ARSK: variants seen among roughly 807,000 people sequenced by gnomAD.
ARSK encodes arylsulfatase K.
In ARSK, 37 loss-of-function variants were observed where a neutral mutation model predicts 53.2. That is an observed-to-expected ratio of 0.70 (90% CI 0.54 to 0.92). ARSK has a LOEUF of 0.92. Among genes scored for constraint, ARSK ranks in the 40% least tolerant of loss-of-function variants. The pLI, the probability that ARSK is intolerant of heterozygous loss-of-function variation, is 0.00. For missense variants in ARSK, 613 were observed against 643.0 expected (o/e 0.95, Z 0.51); for synonymous variants, 208 against 223.2 (o/e 0.93, Z 0.61).
chr5:95,593,192 G>A (rs766651183), intron 6 of ARSK, among the ~76,000 whole-genome samples: 1 of 151,932 alleles, frequency 6.6e-6, no homozygotes, highest in African/African-American at 2.4e-5. Context: ...TCTTCCTTGG[G>A]TCATCTTTGC....
intron 5 of ARSK, among the ~76,000 whole-genome samples, chr5:95,589,585 A>G (rs1223270765): frequency 6.6e-6 from 1 of 152,142 alleles, no homozygotes; most frequent in African/African-American, 2.4e-5. Flanking sequence ...AGCTCCATCC[A>G]TGTCCCCGCA....
Position 95,600,890 on chromosome 5 carries a change from T to G in ARSK, c.1140T>G (p.Ser380=), listed in dbSNP as rs770193021. 6 of 1,614,122 alleles carry G rather than the reference T, an allele frequency of 3.7e-6. No homozygotes were observed. The East Asian group carries it at 1.3e-4, about 36-fold the overall frequency. The change falls in exon 7 of 8, where the codon TCT becomes TCG. Residue 380 remains serine, a synonymous_variant. Coordinates refer to ENST00000380009, the MANE Select transcript of ARSK (RefSeq NM_198150.3). ...IPLPQNLSGY[S]LLPLSSETFK... is the part of the protein sequence containing the mutation. The stretch of plus-strand genomic sequence containing the variant: ...TGCCTCAGAACCTGAGTGGATACTC[T>G]TTGTTGCCGTTATCATCAGAAACAT...
At chr5:95,565,909 TCTTCTG>T (rs1170985013) in intron 1 of ARSK, 83 bp from the exon 2 acceptor site, 12 of 1,214,172 alleles carry the variant, frequency 9.9e-6, no homozygotes, top group South Asian at 1.6e-5. Flanking sequence ...CATATTGAAG[TCTTCTG>T]CTATTGTAAA....
intron 4 of ARSK, among the ~76,000 whole-genome samples, chr5:95,583,706 T>C (rs1016592024): frequency 1.3e-5 from 2 of 152,208 alleles, no homozygotes; most frequent in African/African-American, 4.8e-5. Flanking sequence ...GGGAATTTTT[T>C]TGGTTAAAAA....
intron 4 of ARSK, 67 bp from the exon 5 acceptor site, chr5:95,586,495 A>C (rs542168636): frequency 8.2e-7 from 1 of 1,225,230 alleles, no homozygotes; most frequent in Non-Finnish European, 1.2e-6. Flanking sequence ...TTCATCATAC[A>C]TACTTATTGG....
intron 6 of ARSK, among the ~76,000 whole-genome samples, chr5:95,596,931 A>C (rs1475214305): frequency 1.4e-4 from 21 of 152,224 alleles, no homozygotes; most frequent in African/African-American, 5.1e-4. Flanking sequence ...GGATCAAATA[A>C]ACTAATTCTA....
intron 6 of ARSK, chr5:95,600,536 A>G (rs1205571781): frequency 2.1e-6 from 1 of 478,678 alleles, no homozygotes; most frequent in Non-Finnish European, 4.0e-6. Flanking sequence ...CATTGTCCTC[A>G]GAGTTCTTAG....
intron 5 of ARSK, among the ~76,000 whole-genome samples, chr5:95,587,415 T>C (rs1749136980): frequency 6.6e-6 from 1 of 152,252 alleles, no homozygotes; most frequent in East Asian, 1.9e-4. Flanking sequence ...GTCATTTATT[T>C]TGCTGCACTT....
chr5:95,565,004 T>C (rs1240359347), intron 1 of ARSK, among the ~76,000 whole-genome samples: 2 of 152,224 alleles, frequency 1.3e-5, no homozygotes, highest in Non-Finnish European at 2.9e-5. Context: ...TTTATATCTC[T>C]ATTTGGGAAT....
At chr5:95,577,867 A>G (rs1174216381) in intron 3 of ARSK, among the ~76,000 whole-genome samples, 1 of 152,356 alleles carries the variant, frequency 6.6e-6, no homozygotes, top group South Asian at 2.1e-4. Flanking sequence ...TCATATTTGC[A>G]AAGAAATGCA....
Position 95,555,288 on chromosome 5 carries a change from C to T in ARSK, c.10C>T (p.Leu4=), listed in dbSNP as rs767419361. The change falls in exon 1 of 8, where the codon CTG becomes TTG. Residue 4 remains leucine (L), a synonymous_variant. Transcript: ENST00000380009. The surrounding 1 kb of genome is among the most constrained non-coding windows in gnomAD (Gnocchi z 4.0). Reference sequence around the variant, plus strand: ...AGAACCGCTACCGGCGATGCTACTGCTGTGGGTGTCGGTGGTCGCAGCCTT... The same window carrying T: ...AGAACCGCTACCGGCGATGCTACTGTTGTGGGTGTCGGTGGTCGCAGCCTT... MLL[L]WVSVVAALAL... 2.9e-5 allele frequency: 46 copies of T among 1,600,158 alleles called. No individual in the cohort carries two copies. The South Asian group carries it at 4.7e-4, about 16-fold the overall frequency.
chr5:95,573,012 A>C (rs1406413474), intron 3 of ARSK, among the ~76,000 whole-genome samples: 1 of 152,190 alleles, frequency 6.6e-6, no homozygotes, highest in Non-Finnish European at 1.5e-5. Flanking sequence ...GCTGCTAAAC[A>C]GTCTATAATG....
chr5:95,581,160 T>C (rs1193943049), intron 3 of ARSK, among the ~76,000 whole-genome samples: 2 of 152,184 alleles, frequency 1.3e-5, no homozygotes, highest in Non-Finnish European at 2.9e-5. Flanking sequence ...AAAGCCAAGT[T>C]TGAAATCTGG....
chr5:95,563,646 A>G (rs1341420138), intron 1 of ARSK, among the ~76,000 whole-genome samples: 1 of 152,214 alleles, frequency 6.6e-6, no homozygotes, highest in Non-Finnish European at 1.5e-5. Flanking sequence ...TTTTAATCTG[A>G]CACATTAGTT....
At chr5:95,568,744 T>C (rs970778388) in intron 3 of ARSK, among the ~76,000 whole-genome samples, 8 of 152,176 alleles carry the variant, frequency 5.3e-5, no homozygotes, top group African/African-American at 1.9e-4. Context: ...TTCTGGAGTA[T>C]TCCCACTATT....
chr5:95,578,277 A>T (rs1420908673), intron 3 of ARSK, among the ~76,000 whole-genome samples: 1 of 151,902 alleles, frequency 6.6e-6, no homozygotes, highest in Non-Finnish European at 1.5e-5. Context: ...TCAGCCTCCC[A>T]AGTAGCTAGG....
chr5:95,585,485 C>T (rs1331081633), intron 4 of ARSK, among the ~76,000 whole-genome samples: 1 of 152,110 alleles, frequency 6.6e-6, no homozygotes, highest in African/African-American at 2.4e-5. Flanking sequence ...TACTACTCAG[C>T]CGTAAGAAAG....
intron 5 of ARSK, among the ~76,000 whole-genome samples, chr5:95,589,548 G>A (rs933042565): frequency 1.3e-5 from 2 of 151,964 alleles, no homozygotes; most frequent in Admixed American, 6.6e-5. Flanking sequence ...CTGTTCCTGC[G>A]TTAGTTAGCT....
Position 95,578,723 on chromosome 5 carries a change from A to C in ARSK, c.417-4193A>C, listed in dbSNP as rs114668336. On this transcript the variant is annotated intron_variant, in intron 3 of 7. Coordinates refer to ENST00000380009, the MANE Select transcript of ARSK (RefSeq NM_198150.3). ...GCTGAAGGTTTATGTTTAGGCTCCT[A>C]CTTCATGTGGAAAGAAAACTGTGAT... Among the ~76,000 whole-genome samples the C allele has an allele frequency of 8.4e-3, 1,286 of 152,322 alleles. 14 individuals are homozygous for C. The highest frequency in any genetic ancestry group is 0.029 in the African/African-American group (1,222 of 41,566).
Sources: allele counts gnomAD v4.1 joint callset (sites outside exome capture counted in the v4.1 genomes callset), GRCh38; gene constraint gnomAD v4.1.1; non-coding constraint Gnocchi (gnomAD v3.1); transcripts MANE v1.5; gene names NCBI Gene and HGNC (gene_info 2026-07-23, HGNC 2026-07-21).